The following FPGS variants were observed in gnomAD, a reference collection of about 807,000 sequenced individuals.
FPGS encodes folylpolyglutamate synthase.
FPGS carries 53 observed loss-of-function variants against 66.5 expected under a neutral mutation model. That is an observed-to-expected ratio of 0.80 (90% confidence interval 0.64 to 1.00). The LOEUF (loss-of-function observed/expected upper bound fraction) is 1.00, where lower values mean the gene tolerates loss of function less well. FPGS is among the 50% of genes least tolerant of loss of function. The pLI is 0.00. For missense variants in FPGS, 702 were observed against 807.7 expected (o/e 0.87, Z 1.59); for synonymous variants, 348 against 350.9 (o/e 0.99, Z 0.09).
chr9:127,813,331 C>G lies in FPGS; in HGVS notation c.1491C>G (p.Ser497=). The G allele has an allele frequency of 6.2e-7, 1 of 1,613,010 alleles. No individual in the cohort carries two copies. Residue 497 remains serine, a synonymous_variant, in exon 15 of 15, where the codon TCC becomes TCG. Transcript: ENST00000373247. ...WSAPSPEPGG[S]ASLLLAPHPP... is the part of the protein sequence containing the mutation. ...CCCCCAGCCCAGAGCCCGGTGGGTC[C>G]GCATCCCTGCTTCTGGCGCCCCACC... is the stretch of plus-strand genomic sequence containing the variant.
At chr9:127,814,082 C>T (rs546012406), downstream of FPGS, 21 of 987,366 alleles carry the variant, frequency 2.1e-5, no homozygotes, top group South Asian at 7.5e-4. Flanking sequence ...CTTCGACTGA[C>T]CCTTGACCCC....
In FPGS at chr9:127,807,165, G is replaced by C; in HGVS notation, c.502-44G>C. 6.2e-7 allele frequency: 1 copy of C among 1,612,022 alleles called. No homozygotes were observed. The highest frequency in any genetic ancestry group is 8.5e-7 in the Non-Finnish European group (1 of 1,178,232). Reference sequence around the variant, plus strand: ...TCCAGCACCCCATCTCCCCAGAGAAGGGGCTGCATGGGCTCTGGGCCCTGA... The same window carrying C: ...TCCAGCACCCCATCTCCCCAGAGAACGGGCTGCATGGGCTCTGGGCCCTGA... On this transcript the variant is annotated intron_variant, in intron 5 of 14. Coordinates refer to ENST00000373247, the MANE Select transcript of FPGS (RefSeq NM_004957.6). This position sits in a 1 kb window ranked among gnomAD's most constrained non-coding sequence, Gnocchi z 5.8.
chr9:127,813,407 G>A lies in FPGS; in HGVS notation c.1567G>A (p.Ala523Thr), dbSNP rs1470483113. The change falls in exon 15 of 15, where the codon GCC becomes ACC. Residue 523 changes from alanine (A) to threonine (T), a missense_variant. Ala to Thr is a moderately conservative substitution (Grantham distance 58). Coordinates refer to ENST00000373247, the MANE Select transcript of FPGS (RefSeq NM_004957.6). ...SSLVFSCISH[A>T]LQWISQGRDP... Reference sequence around the variant, plus strand: ...CCTCGTCTTCAGCTGCATTTCACATGCCTTGCAATGGATCAGCCAAGGCCG... The same window carrying A: ...CCTCGTCTTCAGCTGCATTTCACATACCTTGCAATGGATCAGCCAAGGCCG... 1 of 1,609,768 alleles carries A rather than the reference G, an allele frequency of 6.2e-7. No individual in the cohort carries two copies. The highest frequency in any genetic ancestry group is 8.5e-7 in the Non-Finnish European group (1 of 1,177,618).
chr9:127,814,012 G>A lies in FPGS; in HGVS notation c.*408G>A, dbSNP rs1415477849. 2.9e-6 allele frequency: 3 copies of A among 1,030,886 alleles called. No individual in the cohort carries two copies. Among genetic ancestry groups the A allele is most frequent in the Non-Finnish European group, 2.3e-6 (2 of 860,380 alleles). The allele number at this position is 1,030,886 out of a possible 1,614,324, so 63.9% of individuals were successfully genotyped here. Reference sequence around the variant, plus strand: ...GGAGAGGGCCTCTGCCTGGGACACTGCGGGACAGAGGGTGGCTGGAGTGAA... The same window carrying A: ...GGAGAGGGCCTCTGCCTGGGACACTACGGGACAGAGGGTGGCTGGAGTGAA... On this transcript the variant is annotated 3_prime_UTR_variant, in exon 15 of 15. Coordinates refer to ENST00000373247, the MANE Select transcript of FPGS (RefSeq NM_004957.6).
intron 1 of FPGS, 111 bp from the exon 2 acceptor site, chr9:127,804,174 G>A: frequency 7.3e-7 from 1 of 1,377,790 alleles, no homozygotes; most frequent in Non-Finnish European, 1.0e-6. Context: ...ATGGCAGGCG[G>A]GCCTGGTACT....
At chr9:127,813,055 GC>G in intron 14 of FPGS, 139 bp from the exon 15 acceptor site, 1 of 1,274,454 alleles carries the variant, frequency 7.8e-7, no homozygotes, top group Non-Finnish European at 1.0e-6. Context: ...CATGGAGAAG[GC>G]CACTAGCCGA....
Position 127,809,684 on chromosome 9 carries a change from G to A in FPGS, c.1061G>A (p.Gly354Glu). ...GGACTGCCTTGCTGCCCTCCCCCAGGGCTTCGGAACACGGAGTGGCCGGGC... is the reference window on the plus strand; with the variant it reads ...GGACTGCCTTGCTGCCCTCCCCCAGAGCTTCGGAACACGGAGTGGCCGGGC... ...VFQPTSHMRL[G>E]LRNTEWPGRT... is the part of the protein sequence containing the mutation. The change falls in exon 12 of 15, where the codon GGG becomes GAG. Residue 354 changes from glycine (G) to glutamate (E), a missense_variant and splice_region_variant. By Grantham distance (98) the Gly-to-Glu change is moderately conservative. Around this residue, in one of 3 missense-constraint regions of FPGS, gnomAD observed 351 missense variants for 363.7 expected, o/e 0.97. Coordinates refer to ENST00000373247, the MANE Select transcript of FPGS (RefSeq NM_004957.6). 1 of 1,587,318 alleles carries A rather than the reference G, an allele frequency of 6.3e-7. No individual in the cohort carries two copies. Among genetic ancestry groups the A allele is most frequent in the Non-Finnish European group, 8.5e-7 (1 of 1,174,274 alleles).
chr9:127,803,273 A>C, intron 1 of FPGS: 1 of 1,239,414 alleles, frequency 8.1e-7, no homozygotes, highest in Non-Finnish European at 1.0e-6. Flanking sequence ...CGGAGACTAT[A>C]GCGTCCCCGC....
rs746150564 is a variant in FPGS at position 127,813,271 on chromosome 9, G to A, written c.1431G>A (p.Leu477=). Reference sequence around the variant, plus strand: ...AACACCAGCAGCACTGGAACCACCTGGACGAAGAGCAGGCCAGCCCGGACC... The same window carrying A: ...AACACCAGCAGCACTGGAACCACCTAGACGAAGAGCAGGCCAGCCCGGACC... ...CLEHQQHWNH[L]DEEQASPDLW... is the part of the protein sequence containing the mutation. Residue 477 remains leucine, a synonymous_variant, in exon 15 of 15, where the codon CTG becomes CTA. Transcript: ENST00000373247. The A allele has an allele frequency of 7.8e-5, 126 of 1,612,804 alleles. No individual in the cohort carries two copies. The South Asian group carries it at 1.3e-3, about 17-fold the overall frequency.
In FPGS at chr9:127,814,006, G is replaced by A; in HGVS notation, c.*402G>A. The A allele has an allele frequency of 1.9e-6, 2 of 1,033,558 alleles. No homozygotes were observed. The highest frequency in any genetic ancestry group is 2.3e-6 in the Non-Finnish European group (2 of 862,096). The allele number at this position is 1,033,558 out of a possible 1,614,324, so 64.0% of individuals were successfully genotyped here. A position where few individuals can be genotyped will look rare whatever the true frequency, so the allele number is the denominator to read the frequency against. On this transcript the variant is annotated 3_prime_UTR_variant, in exon 15 of 15. Transcript: ENST00000373247. ...GGGAAGGGAGAGGGCCTCTGCCTGGGACACTGCGGGACAGAGGGTGGCTGG... is the reference window on the plus strand; with the variant it reads ...GGGAAGGGAGAGGGCCTCTGCCTGGAACACTGCGGGACAGAGGGTGGCTGG...
intron 13 of FPGS, 52 bp from the exon 14 acceptor site, chr9:127,810,893 G>A: frequency 1.0e-6 from 1 of 987,506 alleles, no homozygotes. Flanking sequence ...TATGGAAGTT[G>A]GTGGACATCC....
intron 13 of FPGS, among the ~76,000 whole-genome samples, 179 bp from the exon 14 acceptor site, chr9:127,810,766 G>C (rs887291184): frequency 2.0e-5 from 3 of 152,192 alleles, no homozygotes; most frequent in Admixed American, 1.3e-4. Flanking sequence ...CACAGGCCAG[G>C]CAGGGTATAC....
At chr9:127,811,117 T>C in intron 14 of FPGS, 106 bp downstream of exon 14, 1 of 608,712 alleles carries the variant, frequency 1.6e-6, no homozygotes. Flanking sequence ...TTTGTTTTAC[T>C]GTGTAAGAAC....
At chr9:127,808,430 C>T (rs763542427) in intron 9 of FPGS, 119 bp downstream of exon 9, 313 of 1,504,324 alleles carry the variant, frequency 2.1e-4, no homozygotes, top group Non-Finnish European at 2.9e-4. Context: ...GCTGGGCCAG[C>T]TGCCAGGCCT....
chr9:127,808,477 TGGCTGGGGGA>T, intron 9 of FPGS, 71 bp from the exon 10 acceptor site: 1 of 1,578,534 alleles, frequency 6.3e-7, no homozygotes, highest in Non-Finnish European at 8.6e-7. Context: ...CAGGGCTTGG[TGGCTGGGGGA>T]GGGGAGAGAT....
rs888475874 is a variant in FPGS, at chr9:127,803,339, T to A, written c.138+277T>A. 10 of 1,176,594 alleles carry A rather than the reference T, an allele frequency of 8.5e-6. 1 individual carries two copies. Among genetic ancestry groups the A allele is most frequent in the African/African-American group, 6.4e-5 (4 of 62,872 alleles). The allele number at this position is 1,176,594 out of a possible 1,614,324, so 72.9% of individuals were successfully genotyped here. A position where few individuals can be genotyped will look rare whatever the true frequency, so the allele number is the denominator to read the frequency against. ...AGCTAGGATCCAGAAGCCCAGAGGC[T>A]CAGCGGTGCTTCTGGAGTTCCAGTG... On this transcript the variant is annotated intron_variant, in intron 1 of 14. Coordinates refer to ENST00000373247, the MANE Select transcript of FPGS (RefSeq NM_004957.6).
intron 14 of FPGS, among the ~76,000 whole-genome samples, chr9:127,811,345 A>G (rs1040805126): frequency 6.6e-6 from 1 of 151,952 alleles, no homozygotes; most frequent in East Asian, 1.9e-4. Context: ...AGCCAGGCGT[A>G]GTGGTGGGTG....
intron 1 of FPGS, 45 bp downstream of exon 1, chr9:127,803,107 C>T: frequency 7.5e-7 from 1 of 1,335,260 alleles, no homozygotes; most frequent in Non-Finnish European, 9.5e-7. Flanking sequence ...CGCGACGACA[C>T]GTGGGCCTGC....
intron 4 of FPGS, 51 bp from the exon 5 acceptor site, chr9:127,806,922 A>G: frequency 7.3e-7 from 1 of 1,377,860 alleles, no homozygotes; most frequent in Non-Finnish European, 1.0e-6. Flanking sequence ...GGGTGGGGGA[A>G]GGCCAGGACG....
Sources: gnomAD v4.1 joint callset for allele counts (sites outside exome capture counted in the v4.1 genomes callset) on GRCh38, gnomAD v4.1.1 for gene constraint, gnomAD v4.1.1 regional missense constraint, Gnocchi (gnomAD v3.1) non-coding constraint, MANE v1.5 for transcripts, NCBI Gene and HGNC (gene_info 2026-07-23, HGNC 2026-07-21) for gene names.